Variants in FRMD3 observed in about 807,000 individuals in gnomAD.
FRMD3 encodes the protein FERM domain-containing protein 3.
A neutral mutation model predicts 70.2 loss-of-function variants in FRMD3; 33 were observed. That is an observed-to-expected ratio of 0.47 (90% CI 0.36 to 0.63). The LOEUF (loss-of-function observed/expected upper bound fraction) is 0.63. Ranked by LOEUF, FRMD3 falls within the 20% of genes least tolerant of loss-of-function variation. The pLI is 0.00. For synonymous variants in FRMD3, 279 were observed against 255.9 expected (o/e 1.09, Z -0.86); for missense variants, 632 against 711.4 (o/e 0.89, Z 1.27).
chr9:83,565,719 T>C, the FRMD3 span, among the ~76,000 whole-genome samples: 298 of 152,370 alleles, frequency 2.0e-3, 4 homozygotes, highest in Non-Finnish European at 3.7e-3. Flanking sequence ...TAATTACTTA[T>C]GTGTTGTCCT....
At chr9:83,418,200 T>C (rs1359906732) in intron 1 of FRMD3, among the ~76,000 whole-genome samples, 1 of 152,148 alleles carries the variant, frequency 6.6e-6, no homozygotes, top group Non-Finnish European at 1.5e-5. Flanking sequence ...GGAAAAACTC[T>C]TCTAGACATC....
At chr9:83,497,515 G>A (rs1828968478) in intron 1 of FRMD3, among the ~76,000 whole-genome samples, 1 of 152,208 alleles carries the variant, frequency 6.6e-6, no homozygotes, top group African/African-American at 2.4e-5. Flanking sequence ...TTTTTTGAGT[G>A]TAAGGATTGG....
intron 5 of FRMD3, 148 bp from the exon 6 acceptor site, chr9:83,335,787 G>C (rs1444204252): frequency 1.1e-5 from 7 of 617,324 alleles, no homozygotes; most frequent in Non-Finnish European, 1.9e-5. Context: ...GAAAGCCTGA[G>C]TGTCTAGAGG....
At chr9:83,272,703 C>T (rs1406129761) in intron 13 of FRMD3, among the ~76,000 whole-genome samples, 1 of 145,546 alleles carries the variant, frequency 6.9e-6, no homozygotes, top group Non-Finnish European at 1.5e-5. Context: ...AGGAGCGCCT[C>T]TTCCCGGCCG....
intron 13 of FRMD3, among the ~76,000 whole-genome samples, chr9:83,281,058 C>T (rs1055272403): frequency 3.3e-5 from 5 of 152,198 alleles, no homozygotes; most frequent in African/African-American, 1.2e-4. Flanking sequence ...CCAGCACACA[C>T]TGCCCAACAC....
intron 10 of FRMD3, among the ~76,000 whole-genome samples, chr9:83,301,216 C>A (rs1587698274): frequency 6.6e-6 from 1 of 152,200 alleles, no homozygotes; most frequent in East Asian, 1.9e-4. Context: ...TAGAAACCCC[C>A]AGCAAGCTGC....
chr9:83,327,790 T>A (rs1224662115), intron 6 of FRMD3, among the ~76,000 whole-genome samples: 1 of 152,214 alleles, frequency 6.6e-6, no homozygotes, highest in Non-Finnish European at 1.5e-5. Flanking sequence ...GATTTTGTAA[T>A]TTAGCCAGCT....
intron 13 of FRMD3, among the ~76,000 whole-genome samples, chr9:83,275,575 G>C (rs1833768628): frequency 6.6e-6 from 1 of 152,170 alleles, no homozygotes; most frequent in Non-Finnish European, 1.5e-5. Flanking sequence ...GGTGAGGTAA[G>C]GGACCCCCAA....
chr9:83,366,183 G>GA (rs947470941), intron 3 of FRMD3, among the ~76,000 whole-genome samples: 38 of 149,526 alleles, frequency 2.5e-4, no homozygotes, highest in Non-Finnish European at 4.2e-4. Flanking sequence ...TCATATGGAA[G>GA]AAAAAAAAAC....
chr9:83,254,964 TG>T (rs1350247264), intron 13 of FRMD3, among the ~76,000 whole-genome samples: 2 of 152,108 alleles, frequency 1.3e-5, no homozygotes, highest in Non-Finnish European at 2.9e-5. Flanking sequence ...AAAGAAAAGC[TG>T]GTACCATTTA....
At chr9:83,401,568 C>A (rs927386967) in intron 1 of FRMD3, among the ~76,000 whole-genome samples, 1 of 152,192 alleles carries the variant, frequency 6.6e-6, no homozygotes, top group Non-Finnish European at 1.5e-5. Flanking sequence ...TGAGTTAACA[C>A]CACAGAGGTT....
intron 13 of FRMD3, among the ~76,000 whole-genome samples, chr9:83,271,159 A>G (rs1833536474): frequency 6.6e-6 from 1 of 152,202 alleles, no homozygotes; most frequent in Admixed American, 6.5e-5. Flanking sequence ...CATCATCAAT[A>G]TCATGCAATT....
chr9:83,357,578 T>C lies in FRMD3; in HGVS notation c.296-7821A>G, dbSNP rs189151508. ...AAGTGTTCCCTTTTCACCACACCTA[T>C]GCCAACATTTATTATTTTTTTATTT... On this transcript the variant is annotated intron_variant, in intron 3 of 13. Coordinates refer to ENST00000304195, the MANE Select transcript of FRMD3 (RefSeq NM_174938.6). 6.6e-5 allele frequency among the ~76,000 whole-genome samples: 10 copies of C among 152,016 alleles called. 1 individual carries two copies. The highest frequency in any genetic ancestry group is 6.6e-4 in the Admixed American group (10 of 15,258).
intron 6 of FRMD3, among the ~76,000 whole-genome samples, chr9:83,314,331 G>A (rs967903058): frequency 1.6e-4 from 25 of 152,108 alleles, no homozygotes; most frequent in African/African-American, 5.1e-4. Context: ...AGATGACCGC[G>A]AAGCCCTTTC....
intron 3 of FRMD3, among the ~76,000 whole-genome samples, chr9:83,368,958 G>C (rs1330442426): frequency 6.6e-6 from 1 of 151,528 alleles, no homozygotes; most frequent in Non-Finnish European, 1.5e-5. Flanking sequence ...TGGTTCAAGC[G>C]ATTCTCCTGC....
At chr9:83,291,351 A>G (rs1323777) in intron 12 of FRMD3, among the ~76,000 whole-genome samples, 137,983 of 152,144 alleles carry the variant, frequency 0.91, 62,902 homozygotes, top group East Asian at 1. Context: ...CAGGTATCTC[A>G]TTAAGCCTAT....
intron 13 of FRMD3, among the ~76,000 whole-genome samples, chr9:83,256,681 C>A (rs572179538): frequency 3.4e-4 from 52 of 151,716 alleles, no homozygotes; most frequent in South Asian, 6.2e-4. Flanking sequence ...GAAAAAAAAA[C>A]CCATTAAAAA....
chr9:83,286,981 G>C (rs115347273), intron 13 of FRMD3, among the ~76,000 whole-genome samples: 1 of 152,116 alleles, frequency 6.6e-6, no homozygotes, highest in African/African-American at 2.4e-5. Flanking sequence ...CAATGTCTCC[G>C]AGATAAGAGC....
At chr9:83,448,905 G>A (rs555814958) in intron 1 of FRMD3, among the ~76,000 whole-genome samples, 176 of 152,310 alleles carry the variant, frequency 1.2e-3, no homozygotes, top group Non-Finnish European at 1.9e-3. Context: ...CAACCTCATT[G>A]CAAATTCCCA....
Sources: gnomAD v4.1 joint callset for allele counts (sites outside exome capture counted in the v4.1 genomes callset) on GRCh38, gnomAD v4.1.1 for gene constraint, MANE v1.5 for transcripts, NCBI Gene and HGNC (gene_info 2026-07-23, HGNC 2026-07-21) for gene names.